Variants in PEBP4 observed in about 807,000 individuals in gnomAD.
PEBP4 encodes phosphatidylethanolamine binding protein 4.
PEBP4 carries 22 observed loss-of-function variants against 23.9 expected under a neutral mutation model. That is an observed-to-expected ratio of 0.92 (90% CI 0.66 to 1.31). The LOEUF (loss-of-function observed/expected upper bound fraction) is 1.31, where lower values mean the gene tolerates loss of function less well. PEBP4 is among the 40% of genes most tolerant of loss of function. The pLI, the probability that PEBP4 is intolerant of heterozygous loss-of-function variation, is 0.00. For missense variants in PEBP4, 324 were observed against 281.7 expected (o/e 1.15, Z -1.07); for synonymous variants, 112 against 99.3 (o/e 1.13, Z -0.76).
chr8:22,739,145 G>T (rs1380896197), intron 4 of PEBP4, among the ~76,000 whole-genome samples: 2 of 152,044 alleles, frequency 1.3e-5, no homozygotes, highest in South Asian at 2.1e-4. Context: ...AGCCAATGGG[G>T]CTGGGCTGTA....
rs566770357 is a variant in PEBP4, at chr8:22,750,776, A to C, written c.358-23556T>G. Among the ~76,000 whole-genome samples, 103 of 152,244 alleles carry C rather than the reference A, an allele frequency of 6.8e-4. 4 individuals carry two copies. The East Asian group carries it at 0.011, about 17-fold the overall frequency. ...CCTCTCGGAACTAAGACCTGAGCAA[A>C]GGGGTCAGTCTGTACAGTGCAGCCA... On this transcript the variant is annotated intron_variant, in intron 4 of 6. Coordinates refer to ENST00000256404, the MANE Select transcript of PEBP4 (RefSeq NM_144962.3).
chr8:22,901,630 T>C (rs914719588), intron 3 of PEBP4, among the ~76,000 whole-genome samples: 1 of 152,136 alleles, frequency 6.6e-6, no homozygotes, highest in African/African-American at 2.4e-5. Flanking sequence ...AAACCTCCTC[T>C]CCAGGGCAAG....
At chr8:22,918,843 C>T (rs983700019) in intron 3 of PEBP4, among the ~76,000 whole-genome samples, 2 of 152,186 alleles carry the variant, frequency 1.3e-5, no homozygotes, top group African/African-American at 2.4e-5. Flanking sequence ...CTCCTCTTGG[C>T]TGTCCACAGG....
intron 4 of PEBP4, among the ~76,000 whole-genome samples, chr8:22,763,240 G>A (rs966232514): frequency 1.3e-5 from 2 of 152,030 alleles, no homozygotes; most frequent in East Asian, 1.9e-4. Context: ...CCTGACCTCC[G>A]GTGATCTGCC....
intron 4 of PEBP4, among the ~76,000 whole-genome samples, chr8:22,735,353 G>A (rs1804838128): frequency 6.6e-6 from 1 of 152,176 alleles, no homozygotes; most frequent in Non-Finnish European, 1.5e-5. Flanking sequence ...ATATATAGGA[G>A]TTTTTCAGTT....
At chr8:22,758,771 C>T (rs1347585378) in intron 4 of PEBP4, among the ~76,000 whole-genome samples, 3 of 152,176 alleles carry the variant, frequency 2.0e-5, no homozygotes, top group Non-Finnish European at 4.4e-5. Flanking sequence ...AATGCAGGGT[C>T]CAGGGGTGGC....
At chr8:22,783,265 T>C (rs1416174295) in intron 4 of PEBP4, among the ~76,000 whole-genome samples, 1 of 152,254 alleles carries the variant, frequency 6.6e-6, no homozygotes, top group Admixed American at 6.5e-5. Context: ...GCAATGTTCT[T>C]TGTGTTTTCA....
At chr8:22,917,535 C>T (rs1412987455) in intron 3 of PEBP4, among the ~76,000 whole-genome samples, 20 of 152,216 alleles carry the variant, frequency 1.3e-4, no homozygotes, top group Non-Finnish European at 8.8e-5. Context: ...ACTGGCCAGG[C>T]CCATGGGCTC....
chr8:22,938,125 C>T (rs1202202895), intron 1 of PEBP4, among the ~76,000 whole-genome samples: 2 of 152,024 alleles, frequency 1.3e-5, no homozygotes, highest in Non-Finnish European at 2.9e-5. Flanking sequence ...AGGACACTAT[C>T]AAGACAGTGA....
At chr8:22,934,083 G>T (rs1250277718) in intron 1 of PEBP4, among the ~76,000 whole-genome samples, 1 of 152,128 alleles carries the variant, frequency 6.6e-6, no homozygotes, top group Non-Finnish European at 1.5e-5. Context: ...AAGTGAGAAT[G>T]CACTCCCCTG....
intron 4 of PEBP4, among the ~76,000 whole-genome samples, chr8:22,728,580 C>CTTCCTTCCTTCCTTCCTTCT (rs1804669519): frequency 7.5e-6 from 1 of 134,034 alleles, no homozygotes; most frequent in African/African-American, 2.8e-5. Context: ...TCCTTCCTTC[C>CTTCCTTCCTTCCTTCCTTCT]TTCCTTCCTT....
At chr8:22,846,292 A>G (rs1807435600) in intron 3 of PEBP4, among the ~76,000 whole-genome samples, 1 of 152,126 alleles carries the variant, frequency 6.6e-6, no homozygotes. Context: ...GTCCTGCACG[A>G]CCAGGGCTGG....
Position 22,795,445 on chromosome 8 carries a change from G to A in PEBP4, c.357+22192C>T, listed in dbSNP as rs563544934. On this transcript the variant is annotated intron_variant, in intron 4 of 6. Transcript: ENST00000256404. The stretch of plus-strand genomic sequence containing the variant: ...CTGCCTTGGCCTCCCAAAGTGCTGG[G>A]ATTACAGGCATGAACCACTGCTCCC... Among the ~76,000 whole-genome samples the A allele has an allele frequency of 8.8e-4, 134 of 152,070 alleles. 1 individual carries two copies. The highest frequency in any genetic ancestry group is 3.2e-3 in the African/African-American group (132 of 41,478).
chr8:22,891,905 C>T (rs1341099504), intron 3 of PEBP4, among the ~76,000 whole-genome samples: 3 of 152,306 alleles, frequency 2.0e-5, no homozygotes, highest in Non-Finnish European at 4.4e-5. Flanking sequence ...AACCCCGTCT[C>T]TATTAAAAAT....
chr8:22,916,287 C>A (rs1335820542), intron 3 of PEBP4, among the ~76,000 whole-genome samples: 2 of 152,190 alleles, frequency 1.3e-5, no homozygotes, highest in African/African-American at 4.8e-5. Flanking sequence ...TTTCAGTTTT[C>A]CTTGGCTTGA....
chr8:22,727,946 T>C (rs769391904), intron 4 of PEBP4, among the ~76,000 whole-genome samples: 10 of 152,118 alleles, frequency 6.6e-5, no homozygotes, highest in Non-Finnish European at 1.3e-4. Context: ...TGTGCAGGAC[T>C]GGGAGATGCT....
At chr8:22,816,715 C>T (rs995565824) in intron 4 of PEBP4, among the ~76,000 whole-genome samples, 6 of 152,254 alleles carry the variant, frequency 3.9e-5, no homozygotes, top group African/African-American at 1.4e-4. Context: ...TTTCTAGTTC[C>T]GAGTTCCCAC....
intron 3 of PEBP4, among the ~76,000 whole-genome samples, chr8:22,859,079 C>A (rs534113969): frequency 5.3e-5 from 8 of 152,306 alleles, no homozygotes; most frequent in African/African-American, 1.2e-4. Flanking sequence ...ACCCAACATG[C>A]GGAATTCCAA....
At chr8:22,788,688 A>C (rs1806076642) in intron 4 of PEBP4, among the ~76,000 whole-genome samples, 2 of 152,240 alleles carry the variant, frequency 1.3e-5, no homozygotes, top group African/African-American at 4.8e-5. Flanking sequence ...TTCTAAATTG[A>C]TACAAGGATT....
Sources: gnomAD v4.1 joint callset for allele counts (sites outside exome capture counted in the v4.1 genomes callset) on GRCh38, gnomAD v4.1.1 for gene constraint, MANE v1.5 for transcripts, NCBI Gene and HGNC (gene_info 2026-07-23, HGNC 2026-07-21) for gene names.